PRSS23: variants seen among roughly 807,000 people sequenced by gnomAD.
PRSS23 encodes the protein protease, serine 23.
A neutral mutation model predicts 34.7 loss-of-function variants in PRSS23; 25 were observed. That is an observed-to-expected ratio of 0.72 (90% CI 0.53 to 1.01). PRSS23 has a LOEUF of 1.01. Ranked by LOEUF, PRSS23 falls within the 50% of genes least tolerant of loss-of-function variation. PRSS23 has a pLI of 0.00. For missense variants in PRSS23, 445 were observed against 475.6 expected, an observed-to-expected ratio of 0.94 and a Z score of 0.60; for synonymous variants, 176 against 186.6, an observed-to-expected ratio of 0.94 and a Z score of 0.46.
chr11:86,870,560 C>T (rs537161530), intron 2 of PRSS23, among the ~76,000 whole-genome samples: 2 of 152,298 alleles, frequency 1.3e-5, no homozygotes, highest in South Asian at 2.1e-4. Context: ...AAATTTAAAA[C>T]ATTTTTGACC....
intron 1 of PRSS23, among the ~76,000 whole-genome samples, chr11:86,807,055 C>T (rs1383246686): frequency 6.6e-6 from 1 of 152,150 alleles, no homozygotes; most frequent in Non-Finnish European, 1.5e-5. Flanking sequence ...TTCTCGAGTG[C>T]ACCATCATTT....
At chr11:86,843,361 G>A (rs916795501) in intron 2 of PRSS23, among the ~76,000 whole-genome samples, 4 of 152,148 alleles carry the variant, frequency 2.6e-5, no homozygotes, top group African/African-American at 7.2e-5. Context: ...ATAGGCGTGG[G>A]CAAAGACTTC....
In PRSS23 at chr11:86,837,766, C is replaced by G. The variant is rs190360472; in HGVS notation, c.206+14173C>G. The stretch of plus-strand genomic sequence containing the variant: ...TGGGTGACAGAGCGAGACTCCATCT[C>G]AAAAAAAGAGAGAAAGTTTTAGTTA... On this transcript the variant is annotated intron_variant, in intron 2 of 2. Transcript: ENST00000533902. 3.3e-5 allele frequency among the ~76,000 whole-genome samples: 5 copies of G among 151,972 alleles called. No individual in the cohort carries two copies. In the East Asian group the frequency reaches 9.7e-4, roughly 29 times the overall value.
chr11:86,871,315 T>C (rs1009011225), intron 2 of PRSS23, among the ~76,000 whole-genome samples: 1 of 152,182 alleles, frequency 6.6e-6, no homozygotes, highest in Non-Finnish European at 1.5e-5. Context: ...CTTTAAATGG[T>C]TGGAATGTCA....
intron 2 of PRSS23, among the ~76,000 whole-genome samples, chr11:86,854,079 C>T (rs1338597310): frequency 6.6e-6 from 1 of 152,218 alleles, no homozygotes; most frequent in African/African-American, 2.4e-5. Flanking sequence ...CGGCTCACTG[C>T]AAGCTCCGCC....
downstream of PRSS23, among the ~76,000 whole-genome samples, chr11:86,812,083 A>G (rs1361117858): frequency 6.6e-6 from 1 of 152,208 alleles, no homozygotes; most frequent in East Asian, 1.9e-4. Flanking sequence ...ATCATTCAGA[A>G]TGGGATTCTT....
At chr11:86,935,141 A>AG (rs1949153034) in intron 2 of PRSS23, 1 of 152,272 alleles carries the variant, frequency 6.6e-6, no homozygotes, top group East Asian at 1.9e-4. Context: ...ACAAACAGAG[A>AG]GGACTCCAGA....
intron 2 of PRSS23, chr11:86,911,678 A>G (rs1948978619): frequency 6.6e-6 from 1 of 152,114 alleles, no homozygotes; most frequent in African/African-American, 2.4e-5. Flanking sequence ...TCACTTTCAA[A>G]TTTGTTTTTG....
At chr11:86,830,848 A>G (rs905721371) in intron 2 of PRSS23, among the ~76,000 whole-genome samples, 3 of 152,080 alleles carry the variant, frequency 2.0e-5, no homozygotes, top group Non-Finnish European at 4.4e-5. Flanking sequence ...TCCTAGGGAG[A>G]TGTTCCTCCT....
chr11:86,845,223 A>G (rs956097487), intron 2 of PRSS23, among the ~76,000 whole-genome samples: 2 of 152,232 alleles, frequency 1.3e-5, no homozygotes, highest in African/African-American at 4.8e-5. Context: ...CACGCAAAAT[A>G]TAGACTCTGG....
Position 86,851,918 on chromosome 11 carries a change from G to A in PRSS23, c.206+28325G>A, listed in dbSNP as rs539814788. ...TGAAAAGGACAACCATTGGTGGGGG[G>A]GAAGCAAAATTTTGAATAACATTTC... On this transcript the variant is annotated intron_variant, in intron 2 of 2. Coordinates refer to the PRSS23 transcript ENST00000533902. 2.6e-5 allele frequency among the ~76,000 whole-genome samples: 4 copies of A among 152,184 alleles called. No individual in the cohort carries two copies. In the East Asian group the frequency reaches 7.7e-4, roughly 29 times the overall value.
chr11:86,796,255 T>C (rs1947979573), upstream of PRSS23, among the ~76,000 whole-genome samples: 1 of 152,162 alleles, frequency 6.6e-6, no homozygotes, highest in Non-Finnish European at 1.5e-5. Context: ...CTTTGTACTG[T>C]AGTATGGCAC....
chr11:86,843,599 G>A (rs1408070382), intron 2 of PRSS23, among the ~76,000 whole-genome samples: 2 of 152,150 alleles, frequency 1.3e-5, no homozygotes, highest in Admixed American at 6.5e-5. Context: ...TCAAAAAGTG[G>A]GCAAAGAATA....
intron 2 of PRSS23, chr11:86,936,123 A>G (rs1007142538): frequency 2.6e-5 from 4 of 152,328 alleles, no homozygotes; most frequent in Admixed American, 2.0e-4. Context: ...TTCAGTGATC[A>G]TGCTTCACAT....
At chr11:86,941,024 ATGAG>A (rs1259191976) in intron 2 of PRSS23, 4 of 152,324 alleles carry the variant, frequency 2.6e-5, no homozygotes, top group African/African-American at 7.2e-5. Context: ...ATGGCACATA[ATGAG>A]TAAGTTTCAA....
intron 2 of PRSS23, among the ~76,000 whole-genome samples, chr11:86,839,080 C>A (rs952591302): frequency 2.0e-5 from 3 of 151,896 alleles, no homozygotes; most frequent in Non-Finnish European, 4.4e-5. Context: ...AACAGAGCGC[C>A]TCTTCTCCTC....
chr11:86,937,625 A>G (rs1401062896), intron 2 of PRSS23: 1 of 152,224 alleles, frequency 6.6e-6, no homozygotes, highest in Non-Finnish European at 1.5e-5. Flanking sequence ...CACCAGCACC[A>G]TGACAGTTTA....
At chr11:86,845,499 A>G (rs749998947) in intron 2 of PRSS23, among the ~76,000 whole-genome samples, 9 of 152,180 alleles carry the variant, frequency 5.9e-5, no homozygotes, top group Non-Finnish European at 1.3e-4. Flanking sequence ...CTTCTGTTGG[A>G]TCAACAAGAA....
intron 2 of PRSS23, among the ~76,000 whole-genome samples, chr11:86,887,604 T>C (rs562235298): frequency 6.6e-6 from 1 of 152,232 alleles, no homozygotes; most frequent in African/African-American, 2.4e-5. Flanking sequence ...TGAAAGAATA[T>C]TATAACTGTC....
Sources: allele counts gnomAD v4.1 joint callset (sites outside exome capture counted in the v4.1 genomes callset), GRCh38; gene constraint gnomAD v4.1.1; transcripts MANE v1.5; gene names NCBI Gene and HGNC (gene_info 2026-07-23, HGNC 2026-07-21).